The following HEATR9 variants were observed in gnomAD, a reference collection of about 807,000 sequenced individuals.
HEATR9 encodes protein HEATR9.
In HEATR9, 54 loss-of-function variants were observed where a neutral mutation model predicts 68.2. The observed-to-expected ratio is 0.79, with a 90% CI of 0.64 to 0.99. HEATR9 has a LOEUF of 0.99. Among genes scored for constraint, HEATR9 ranks in the 50% least tolerant of loss-of-function variants. The pLI is 0.00. For missense variants in HEATR9, 662 were observed against 679.7 expected, an observed-to-expected ratio of 0.97 and a Z score of 0.29; for synonymous variants, 241 against 253.5, an observed-to-expected ratio of 0.95 and a Z score of 0.47.
rs2087787984 is a variant in HEATR9 at position 35,856,739 on chromosome 17, C to G, written c.1219G>C (p.Val407Leu). The G allele has an allele frequency of 1.9e-6, 3 of 1,603,942 alleles. No individual in the cohort carries two copies. Among genetic ancestry groups the G allele is most frequent in the African/African-American group, 2.7e-5 (2 of 74,956 alleles). Residue 407 changes from valine to leucine, a missense_variant, in exon 12 of 15, where the codon GTG (valine) becomes CTG (leucine). By Grantham distance (32) the Val-to-Leu change is conservative. Transcript: ENST00000604834. ...AGCTCCCAGGCCACTCACGCCTCCA[C>G]CAAGTTCATCATCGTAGGCTTCAAC... ...LKLKPTMMNL[V>L]EAQLMNPDAT...
At chr17:35,859,281 T>C (rs938739647) in intron 8 of HEATR9, among the ~76,000 whole-genome samples, 2 of 152,214 alleles carry the variant, frequency 1.3e-5, no homozygotes, top group Non-Finnish European at 2.9e-5. Flanking sequence ...GTTACTCTCT[T>C]CAACACTTCT....
intron 8 of HEATR9, among the ~76,000 whole-genome samples, chr17:35,861,939 A>G (rs1314449078): frequency 1.3e-5 from 2 of 151,484 alleles, no homozygotes; most frequent in African/African-American, 4.8e-5. Context: ...GCTCACTGCA[A>G]CCTCTGCCTC....
rs766081154 is a variant in HEATR9 at position 35,859,059 on chromosome 17, G to C, written c.768C>G (p.Val256=). 1 of 1,614,096 alleles carries C rather than the reference G, an allele frequency of 6.2e-7. No individual in the cohort carries two copies. Among genetic ancestry groups the C allele is most frequent in the Non-Finnish European group, 8.5e-7 (1 of 1,179,976 alleles). Residue 256 remains valine, a synonymous_variant, in exon 9 of 15, where the codon GTC becomes GTG. Transcript: ENST00000604834. ...AAVSKDKRTQ[V]GDEGKLVPVL... is the part of the protein sequence containing the mutation. Reference sequence around the variant, plus strand: ...CAGGCACCAGCTTGCCCTCATCCCCGACTTGAGTCCTCTGTGAGGGAGACA... The same window carrying C: ...CAGGCACCAGCTTGCCCTCATCCCCCACTTGAGTCCTCTGTGAGGGAGACA...
At chr17:35,857,758 CAAAAA>C (rs368266813) in intron 11 of HEATR9, among the ~76,000 whole-genome samples, 37 of 145,502 alleles carry the variant, frequency 2.5e-4, no homozygotes, top group African/African-American at 8.9e-4. Flanking sequence ...GACTCCGTCT[CAAAAA>C]AAAAGAAAAA....
At position 35,862,982 on chromosome 17, in the gene HEATR9, T is replaced by C. The variant is rs1167417683; in HGVS notation, c.756+13A>G. On this transcript the variant is annotated intron_variant, in intron 8 of 14. Transcript: ENST00000604834. ...CAGCTTTGCCCCCAATTAAAGACTG[T>C]CCTCCCAATCACCTTGTCTTTAGAG... 32 of 1,614,076 alleles carry C rather than the reference T, an allele frequency of 2.0e-5. No individual in the cohort carries two copies. Among genetic ancestry groups the C allele is most frequent in the Non-Finnish European group, 2.7e-5 (32 of 1,180,048 alleles).
chr17:35,859,138 C>G, intron 8 of HEATR9, 68 bp from the exon 9 acceptor site: 1 of 1,303,550 alleles, frequency 7.7e-7, no homozygotes, highest in South Asian at 1.3e-5. Context: ...TGCTTCCAGA[C>G]TATATTCACC....
At chr17:35,855,621 G>C (rs1361018830) in intron 14 of HEATR9, 43 bp downstream of exon 14, 8 of 1,567,216 alleles carry the variant, frequency 5.1e-6, no homozygotes, top group Non-Finnish European at 6.2e-6. Flanking sequence ...GCTTGAAGGA[G>C]GGCTAGAGAA....
chr17:35,862,746 A>G (rs1050755689), intron 8 of HEATR9, among the ~76,000 whole-genome samples: 1 of 152,184 alleles, frequency 6.6e-6, no homozygotes, highest in African/African-American at 2.4e-5. Context: ...TAAATCAGGA[A>G]CCATCTGTAC....
chr17:35,867,116 C>T (rs2088226402), intron 1 of HEATR9, among the ~76,000 whole-genome samples: 2 of 149,106 alleles, frequency 1.3e-5, no homozygotes, highest in Admixed American at 1.3e-4. Flanking sequence ...AAAAATTAGC[C>T]ATGTGTGGTG....
chr17:35,864,089 A>G (rs1164579074), intron 6 of HEATR9, 157 bp downstream of exon 6: 2 of 629,054 alleles, frequency 3.2e-6, no homozygotes, highest in Non-Finnish European at 2.9e-6. Context: ...GAAGAGGCCA[A>G]GGACATGGGA....
At chr17:35,864,718 G>A in intron 4 of HEATR9, 40 bp downstream of exon 4, 1 of 1,612,278 alleles carries the variant, frequency 6.2e-7, no homozygotes, top group Non-Finnish European at 8.5e-7. Flanking sequence ...GGCACCCACA[G>A]GGAGGGAGTC....
chr17:35,856,110 C>T (rs2143872748), intron 13 of HEATR9, 63 bp downstream of exon 13: 2 of 1,528,814 alleles, frequency 1.3e-6, no homozygotes, highest in East Asian at 4.5e-5. Flanking sequence ...TGACTCTGCT[C>T]AATCGCCTAC....
intron 11 of HEATR9, among the ~76,000 whole-genome samples, chr17:35,857,562 ATCCT>A (rs1330804492): frequency 6.6e-6 from 1 of 152,168 alleles, no homozygotes; most frequent in East Asian, 1.9e-4. Flanking sequence ...GATCGAGCCC[ATCCT>A]GGCTAACACG....
At chr17:35,859,826 A>T (rs1008528585) in intron 8 of HEATR9, among the ~76,000 whole-genome samples, 10 of 151,582 alleles carry the variant, frequency 6.6e-5, no homozygotes, top group African/African-American at 2.4e-4. Flanking sequence ...TCTCTTTCTC[A>T]CTCTTCCAAT....
chr17:35,861,348 T>C, intron 8 of HEATR9: 1 of 1,523,160 alleles, frequency 6.6e-7, no homozygotes, highest in Non-Finnish European at 9.1e-7. Flanking sequence ...CATTTCTATG[T>C]TTTTAAAATT....
chr17:35,860,450 T>TTTTATTTATTTATTTATTTATTTA (rs201786560), intron 8 of HEATR9, among the ~76,000 whole-genome samples: 4 of 134,938 alleles, frequency 3.0e-5, no homozygotes, highest in Non-Finnish European at 4.6e-5. Flanking sequence ...AAGTCCTTAT[T>TTTTATTTATTTATTTATTTATTTA]TTTATTTATT....
intron 8 of HEATR9, 115 bp downstream of exon 8, chr17:35,862,880 G>T: frequency 6.9e-7 from 1 of 1,445,568 alleles, no homozygotes; most frequent in Non-Finnish European, 9.6e-7. Context: ...CAAGGACAGT[G>T]TCTTCCTCTA....
At position 35,861,855 on chromosome 17, in the gene HEATR9, T is replaced by C. The variant is rs146914621; in HGVS notation, c.756+1140A>G. 1.1e-3 allele frequency among the ~76,000 whole-genome samples: 162 copies of C among 151,894 alleles called. 2 individuals carry two copies. The East Asian group carries it at 0.03, about 28-fold the overall frequency. On this transcript the variant is annotated intron_variant, in intron 8 of 14. Transcript: ENST00000604834. ...CCTCTAACATACTACATAATTTTCT[T>C]TTTCTTGGTTTTTTTTTTTTGAAAT...
intron 8 of HEATR9, among the ~76,000 whole-genome samples, chr17:35,862,762 C>G (rs2088041608): frequency 6.6e-6 from 1 of 152,216 alleles, no homozygotes; most frequent in African/African-American, 2.4e-5. Flanking sequence ...TGTACTGTCT[C>G]CATTCTCCAT....
Sources: gnomAD v4.1 joint callset for allele counts (sites outside exome capture counted in the v4.1 genomes callset) on GRCh38, gnomAD v4.1.1 for gene constraint, MANE v1.5 for transcripts, NCBI Gene and HGNC (gene_info 2026-07-23, HGNC 2026-07-21) for gene names.